The following CACFD1 variants were observed in gnomAD, a reference collection of about 807,000 sequenced individuals.
CACFD1 encodes the protein calcium channel flower domain containing 1.
In CACFD1, 26 loss-of-function variants were observed where a neutral mutation model predicts 21.3. That is an observed-to-expected ratio of 1.22 (90% CI 0.89 to 1.69). CACFD1 has a LOEUF of 1.69. Ranked by LOEUF, CACFD1 falls within the 40% of genes most tolerant of loss-of-function variation. The pLI is 0.00. For synonymous variants in CACFD1, 121 were observed against 106.6 expected (o/e 1.13, Z -0.83); for missense variants, 265 against 236.2 (o/e 1.12, Z -0.80).
In CACFD1 at chr9:133,465,530, T is replaced by C; in HGVS notation, c.320+83T>C. 1.5e-6 allele frequency: 2 copies of C among 1,377,234 alleles called. No homozygotes were observed. The allele number at this position is 1,377,234 out of a possible 1,614,324, so 85.3% of individuals were successfully genotyped here. On this transcript the variant is annotated intron_variant, in intron 3 of 4. Coordinates refer to ENST00000316948, the MANE Select transcript of CACFD1 (RefSeq NM_017586.5). This position sits in a 1 kb window ranked among gnomAD's most constrained non-coding sequence, Gnocchi z 5.0. Reference sequence around the variant, plus strand: ...ATAGGACCCAAAAGTCAGGTGAGGGTGGGCAGTGTATTCAGTTCCTCTCTG... The same window carrying C: ...ATAGGACCCAAAAGTCAGGTGAGGGCGGGCAGTGTATTCAGTTCCTCTCTG...
intron 1 of CACFD1, among the ~76,000 whole-genome samples, chr9:133,461,110 C>G (rs908345879): frequency 6.6e-6 from 1 of 152,200 alleles, no homozygotes; most frequent in Admixed American, 6.5e-5. Flanking sequence ...GAATGTCTGT[C>G]GAGGATGTCT....
At position 133,468,724 on chromosome 9, in the gene CACFD1, C is replaced by A; in HGVS notation, c.*71C>A. 6.7e-7 allele frequency: 1 copy of A among 1,486,706 alleles called. No homozygotes were observed. Among genetic ancestry groups the A allele is most frequent in the Non-Finnish European group, 8.9e-7 (1 of 1,118,458 alleles). The allele number at this position is 1,486,706 out of a possible 1,614,324, so 92.1% of individuals were successfully genotyped here. A position where few individuals can be genotyped will look rare whatever the true frequency, so the allele number is the denominator to read the frequency against. On this transcript the variant is annotated 3_prime_UTR_variant, in exon 5 of 5. Transcript: ENST00000316948. ...TGGGTCCAAGTGAGGCCTGGACTGT[C>A]CACGCTGAGGCACAGCCTGGAGAGG...
At chr9:133,461,145 G>A (rs1050410459) in intron 1 of CACFD1, among the ~76,000 whole-genome samples, 2 of 152,238 alleles carry the variant, frequency 1.3e-5, no homozygotes, top group African/African-American at 4.8e-5. Context: ...GTGCCTGCCT[G>A]GCAGAGAGGG....
intron 2 of CACFD1, among the ~76,000 whole-genome samples, chr9:133,464,756 G>C (rs1443756059): frequency 6.6e-6 from 1 of 152,190 alleles, no homozygotes; most frequent in African/African-American, 2.4e-5. Context: ...TTCCTCCCCA[G>C]CGTGGGCTTC....
chr9:133,462,281 C>G lies in CACFD1; in HGVS notation c.122-1202C>G. ...TCACCCTTTGGGCACTCTGCTAGGA[C>G]AGGCAGGCCCCTGTGTACCTGTGGT... On this transcript the variant is annotated intron_variant, in intron 1 of 4. Coordinates refer to ENST00000316948, the MANE Select transcript of CACFD1 (RefSeq NM_017586.5). The G allele has an allele frequency of 3.8e-6, 5 of 1,303,944 alleles. No individual in the cohort carries two copies. In the South Asian group the frequency reaches 6.2e-5, roughly 16 times the overall value. 80.8% of individuals were successfully genotyped at this position (1,303,944 alleles called of 1,614,324 possible). A position where few individuals can be genotyped will look rare whatever the true frequency, so the allele number is the denominator to read the frequency against.
intron 2 of CACFD1, among the ~76,000 whole-genome samples, chr9:133,463,925 G>T (rs1024802260): frequency 6.6e-5 from 10 of 152,232 alleles, no homozygotes; most frequent in African/African-American, 2.4e-4. Flanking sequence ...TCCCAGGACT[G>T]GGGTGGGGAA....
chr9:133,463,535 T>G lies in CACFD1; in HGVS notation c.174T>G (p.Ile58Met), dbSNP rs3124765. 6.7e-3 allele frequency: 10,838 copies of G among 1,613,976 alleles called. 49 individuals are homozygous for G. The highest frequency in any genetic ancestry group is 8.7e-3 in the South Asian group (792 of 91,090). ...FNCITIHPLN[I>M]AAGVWMIMNA... is the part of the protein sequence containing the mutation. The stretch of plus-strand genomic sequence containing the variant: ...GCATCACCATCCACCCTCTGAACAT[T>G]GCGGCCGGCGTGTGGATGATGTGAG... Residue 58 changes from isoleucine to methionine, a missense_variant, in exon 2 of 5, where the codon ATT (isoleucine) becomes ATG (methionine). Ile to Met is a conservative substitution (Grantham distance 10). Transcript: ENST00000316948.
In CACFD1 at chr9:133,468,044, C is replaced by T. The variant is rs782766450; in HGVS notation, c.428+16C>T. 46 of 1,603,092 alleles carry T rather than the reference C, an allele frequency of 2.9e-5. No homozygotes were observed. Among genetic ancestry groups the T allele is most frequent in the Non-Finnish European group, 3.8e-5 (45 of 1,170,794 alleles). ...TGGGCAAAAAGTGCGTCTGCCAGGC[C>T]CAGCCCCTGGGCAGGGCCTTCCTCC... On this transcript the variant is annotated intron_variant, in intron 4 of 4. Transcript: ENST00000316948.
intron 1 of CACFD1, 21 bp downstream of exon 1, chr9:133,460,208 A>C: frequency 1.3e-6 from 2 of 1,513,008 alleles, no homozygotes; most frequent in Non-Finnish European, 1.8e-6. Flanking sequence ...AGTCGGGGAG[A>C]GGGGCCGGCC....
intron 3 of CACFD1, among the ~76,000 whole-genome samples, chr9:133,466,033 G>A (rs1358163216): frequency 6.6e-6 from 1 of 152,210 alleles, no homozygotes; most frequent in Non-Finnish European, 1.5e-5. Context: ...TGCATAGGAG[G>A]CTGGTGGCAG....
At chr9:133,463,657 T>A in intron 2 of CACFD1, 102 bp downstream of exon 2, 5 of 1,220,990 alleles carry the variant, frequency 4.1e-6, no homozygotes, top group Non-Finnish European at 6.0e-6. Context: ...GGAGTGGGCA[T>A]CCTTGTGGTT....
At chr9:133,460,852 G>T (rs1170621176) in intron 1 of CACFD1, among the ~76,000 whole-genome samples, 1 of 152,174 alleles carries the variant, frequency 6.6e-6, no homozygotes, top group African/African-American at 2.4e-5. Context: ...TGCCTTAGCC[G>T]CCTGTCACCG....
chr9:133,462,409 A>G (rs1843259357), intron 1 of CACFD1, among the ~76,000 whole-genome samples: 1 of 152,194 alleles, frequency 6.6e-6, no homozygotes, highest in Admixed American at 6.5e-5. Flanking sequence ...GGGGCCCATG[A>G]AGCAGTCCCA....
chr9:133,460,121 C>G lies in CACFD1; in HGVS notation c.55C>G (p.Gln19Glu), dbSNP rs924685456. The G allele has an allele frequency of 1.5e-5, 24 of 1,562,844 alleles. No individual in the cohort carries two copies. The East Asian group carries it at 5.7e-4, about 37-fold the overall frequency. ...GASASSAPPA[Q>E]EEGMTWWYRW... Reference sequence around the variant, plus strand: ...GTCCGCCAGCTCTGCGCCGCCCGCGCAGGAAGAGGGCATGACGTGGTGGTA... The same window carrying G: ...GTCCGCCAGCTCTGCGCCGCCCGCGGAGGAAGAGGGCATGACGTGGTGGTA... The change falls in exon 1 of 5, where the codon CAG (glutamine) becomes GAG (glutamate). Residue 19 changes from glutamine to glutamate, a missense_variant. Physicochemically the swap from Gln to Glu is conservative, Grantham distance 29. Transcript: ENST00000316948.
rs781978847 is a variant in CACFD1 at position 133,468,556 on chromosome 9, T to C, written c.429-7T>C. ...CTCCACGTGACGCTGCCTCTCTCTCTCCCCAGGGGCGATGCGATCTCCTAT... is the reference window on the plus strand; with the variant it reads ...CTCCACGTGACGCTGCCTCTCTCTCCCCCCAGGGGCGATGCGATCTCCTAT... On this transcript the variant is annotated splice_polypyrimidine_tract_variant and splice_region_variant and intron_variant, in intron 4 of 4. Transcript: ENST00000316948. The C allele has an allele frequency of 3.2e-6, 5 of 1,572,684 alleles. No homozygotes were observed. Among genetic ancestry groups the C allele is most frequent in the South Asian group, 2.3e-5 (2 of 85,720 alleles).
At chr9:133,460,471 C>CGGCGGGGGCGGGGGCGGG (rs55944944) in intron 1 of CACFD1, among the ~76,000 whole-genome samples, 10 of 125,892 alleles carry the variant, frequency 7.9e-5, no homozygotes, top group South Asian at 2.6e-4. Flanking sequence ...GGCGGGGGGG[C>CGGCGGGGGCGGGGGCGGG]GGCGGGGGCG....
rs1554799320 is a variant in CACFD1 at position 133,465,329 on chromosome 9, G to A, written c.202G>A (p.Ala68Thr). The A allele has an allele frequency of 3.7e-6, 6 of 1,613,916 alleles. No individual in the cohort carries two copies. Among genetic ancestry groups the A allele is most frequent in the African/African-American group, 1.3e-5 (1 of 74,924 alleles). Residue 68 changes from alanine to threonine, a missense_variant, in exon 3 of 5, where the codon GCC (alanine) becomes ACC (threonine). Physicochemically the swap from Ala to Thr is moderately conservative, Grantham distance 58. Transcript: ENST00000316948. This position sits in a 1 kb window ranked among gnomAD's most constrained non-coding sequence, Gnocchi z 5.0. ...CTGCCCTGGTCCCTGCAGCATGAAT[G>A]CCTTCATCTTGTTGCTGTGTGAGGC... ...IAAGVWMIMN[A>T]FILLLCEAPF...
In CACFD1 at chr9:133,469,024, C is replaced by T. The variant is rs1843565118; in HGVS notation, c.*371C>T. 2 of 304,996 alleles carry T rather than the reference C, an allele frequency of 6.6e-6. No individual in the cohort carries two copies. The highest frequency in any genetic ancestry group is 9.3e-5 in the Admixed American group (2 of 21,446). 18.9% of individuals were successfully genotyped at this position (304,996 alleles called of 1,614,324 possible). ...CTTGAGGGGAGGGGCAAGTGGGACCCTGCCACCTGGGCACTGAGCAGAGGG... is the reference window on the plus strand; with the variant it reads ...CTTGAGGGGAGGGGCAAGTGGGACCTTGCCACCTGGGCACTGAGCAGAGGG... On this transcript the variant is annotated 3_prime_UTR_variant, in exon 5 of 5. Transcript: ENST00000316948.
intron 3 of CACFD1, among the ~76,000 whole-genome samples, chr9:133,467,483 G>T (rs148938196): frequency 1.3e-5 from 2 of 152,338 alleles, no homozygotes; most frequent in East Asian, 3.9e-4. Context: ...TGCCTGTGGT[G>T]GTCAGCATTG....
Sources: allele counts gnomAD v4.1 joint callset (sites outside exome capture counted in the v4.1 genomes callset), GRCh38; gene constraint gnomAD v4.1.1; non-coding constraint Gnocchi (gnomAD v3.1); transcripts MANE v1.5; gene names NCBI Gene and HGNC (gene_info 2026-07-23, HGNC 2026-07-21).